The following FSTL4 variants were observed in gnomAD, a reference collection of about 807,000 sequenced individuals.
The protein encoded by FSTL4 is follistatin-related protein 4.
In FSTL4, 28 loss-of-function variants were observed where a neutral mutation model predicts 78.2. The observed-to-expected ratio is 0.36, with a 90% CI of 0.27 to 0.49. The LOEUF (loss-of-function observed/expected upper bound fraction) is 0.49, where lower values mean the gene tolerates loss of function less well. Ranked by LOEUF, FSTL4 falls within the 20% of genes least tolerant of loss-of-function variation. FSTL4 has a pLI of 0.98. For missense variants in FSTL4, 922 were observed against 1,084.9 expected (o/e 0.85, Z 2.11); for synonymous variants, 422 against 440.5 (o/e 0.96, Z 0.53).
chr5:133,688,268 C>G, the FSTL4 span, among the ~76,000 whole-genome samples: 1 of 152,100 alleles, frequency 6.6e-6, no homozygotes, highest in African/African-American at 2.4e-5. Context: ...AAAAAATTAG[C>G]CAGGCGTGGT....
chr5:133,385,987 A>G (rs1387380102), intron 4 of FSTL4, among the ~76,000 whole-genome samples: 1 of 152,144 alleles, frequency 6.6e-6, no homozygotes, highest in Non-Finnish European at 1.5e-5. Context: ...CAGAGCAAAG[A>G]CAACATTTAA....
At chr5:133,626,515 G>A in the FSTL4 span, among the ~76,000 whole-genome samples, 1 of 150,236 alleles carries the variant, frequency 6.7e-6, no homozygotes, top group Non-Finnish European at 1.5e-5. Flanking sequence ...CTTTTCTAAG[G>A]TATGCATTTA....
intron 6 of FSTL4, among the ~76,000 whole-genome samples, chr5:133,282,048 A>T (rs1389918548): frequency 6.6e-6 from 1 of 152,156 alleles, no homozygotes; most frequent in Non-Finnish European, 1.5e-5. Context: ...GCCAAGCCCC[A>T]TGTAAGCTCT....
intron 4 of FSTL4, among the ~76,000 whole-genome samples, chr5:133,362,997 A>T (rs971519280): frequency 3.3e-5 from 5 of 152,040 alleles, no homozygotes; most frequent in African/African-American, 1.2e-4. Context: ...TGTCTCCTAT[A>T]GCTGTCAGCC....
chr5:133,807,756 G>A, the FSTL4 span, among the ~76,000 whole-genome samples: 14 of 152,216 alleles, frequency 9.2e-5, no homozygotes, highest in South Asian at 2.1e-4. Flanking sequence ...TCCTCTCACC[G>A]CAAAATCCAA....
At chr5:133,418,417 C>T (rs1213570265) in intron 3 of FSTL4, among the ~76,000 whole-genome samples, 1 of 151,416 alleles carries the variant, frequency 6.6e-6, no homozygotes, top group African/African-American at 2.4e-5. Context: ...TTAGAAGTCT[C>T]AATATATCTA....
chr5:133,839,823 C>T, the FSTL4 span, among the ~76,000 whole-genome samples: 1 of 152,346 alleles, frequency 6.6e-6, no homozygotes, highest in African/African-American at 2.4e-5. Context: ...ACCTTTTCCA[C>T]CTGCCAGTAA....
rs147475197 is a variant in FSTL4, at chr5:133,572,767, T to A, written c.127-5548A>T. 1.2e-3 allele frequency among the ~76,000 whole-genome samples: 190 copies of A among 152,316 alleles called. 1 individual carries two copies. The highest frequency in any genetic ancestry group is 4.4e-3 in the African/African-American group (184 of 41,574). On this transcript the variant is annotated intron_variant, in intron 2 of 15. Coordinates refer to ENST00000265342, the MANE Select transcript of FSTL4 (RefSeq NM_015082.2). Reference sequence around the variant, plus strand: ...GTCAAATGAGATTAAAGTGTTATAATGTCCTAGTACTGTCCCAAAAATGGC... The same window carrying A: ...GTCAAATGAGATTAAAGTGTTATAAAGTCCTAGTACTGTCCCAAAAATGGC...
At chr5:133,350,043 T>C (rs1350691975) in intron 4 of FSTL4, among the ~76,000 whole-genome samples, 6 of 142,822 alleles carry the variant, frequency 4.2e-5, no homozygotes, top group African/African-American at 7.9e-5. Flanking sequence ...AAAGGACCCA[T>C]AGGATGGACT....
intron 3 of FSTL4, among the ~76,000 whole-genome samples, chr5:133,537,777 C>T (rs1441733420): frequency 6.7e-6 from 1 of 149,668 alleles, no homozygotes; most frequent in Non-Finnish European, 1.5e-5. Context: ...TATCATTTCT[C>T]TCTCACATAT....
intron 3 of FSTL4, among the ~76,000 whole-genome samples, chr5:133,527,348 C>G (rs1759153953): frequency 6.6e-6 from 1 of 152,142 alleles, no homozygotes; most frequent in South Asian, 2.1e-4. Flanking sequence ...ATGCTACTTT[C>G]ACTAGAAACT....
the FSTL4 span, among the ~76,000 whole-genome samples, chr5:133,781,199 C>A: frequency 6.6e-6 from 1 of 152,164 alleles, no homozygotes; most frequent in African/African-American, 2.4e-5. Flanking sequence ...CCTCCCACCT[C>A]CTGCAAACTA....
intron 3 of FSTL4, among the ~76,000 whole-genome samples, chr5:133,481,714 T>G (rs527851490): frequency 6.6e-6 from 1 of 152,236 alleles, no homozygotes; most frequent in African/African-American, 2.4e-5. Context: ...GGTGAACAAG[T>G]CAGACATAGA....
At chr5:133,690,055 C>T in the FSTL4 span, among the ~76,000 whole-genome samples, 1 of 145,652 alleles carries the variant, frequency 6.9e-6, no homozygotes, top group Non-Finnish European at 1.5e-5. Flanking sequence ...GAGCAAAACT[C>T]CATTTCAAAA....
intron 3 of FSTL4, among the ~76,000 whole-genome samples, chr5:133,407,416 G>A (rs1756387275): frequency 6.6e-6 from 1 of 152,218 alleles, no homozygotes; most frequent in Admixed American, 6.5e-5. Context: ...AGCACAGCCT[G>A]TATGCTGAGG....
At chr5:133,545,616 C>G (rs1398074523) in intron 3 of FSTL4, among the ~76,000 whole-genome samples, 6 of 152,100 alleles carry the variant, frequency 3.9e-5, no homozygotes, top group Non-Finnish European at 5.9e-5. Context: ...AGAAAATGGA[C>G]TAAGAGAAAA....
At chr5:133,450,372 C>G (rs1027341248) in intron 3 of FSTL4, among the ~76,000 whole-genome samples, 4 of 152,236 alleles carry the variant, frequency 2.6e-5, no homozygotes, top group South Asian at 2.1e-4. Flanking sequence ...CTGGGAGGCT[C>G]AGCCAGGACT....
At chr5:133,395,709 A>G (rs921093365) in intron 4 of FSTL4, among the ~76,000 whole-genome samples, 1 of 151,146 alleles carries the variant, frequency 6.6e-6, no homozygotes, top group Non-Finnish European at 1.5e-5. Flanking sequence ...GACTGGAGGT[A>G]CTTCATGCCT....
At chr5:133,696,118 T>A in the FSTL4 span, among the ~76,000 whole-genome samples, 1 of 152,212 alleles carries the variant, frequency 6.6e-6, no homozygotes, top group Non-Finnish European at 1.5e-5. Flanking sequence ...AGTTGCAGAG[T>A]AGCCTTTTCC....
Sources: gnomAD v4.1 joint callset for allele counts (sites outside exome capture counted in the v4.1 genomes callset) on GRCh38, gnomAD v4.1.1 for gene constraint, MANE v1.5 for transcripts, NCBI Gene and HGNC (gene_info 2026-07-23, HGNC 2026-07-21) for gene names.